Variants in NALF1 observed in about 807,000 individuals in gnomAD.
NALF1 encodes the protein family with sequence similarity 155 member A.
Under a neutral mutation model 48.4 loss-of-function variants are expected in NALF1, and 3 were observed. The observed-to-expected ratio is 0.06, with a 90% CI of 0.03 to 0.16. NALF1 has a LOEUF of 0.16. NALF1 is among the 10% of genes least tolerant of loss of function. The pLI is 1.00. For synonymous variants in NALF1, 262 were observed against 245.7 expected (o/e 1.07, Z -0.62); for missense variants, 526 against 571.5 (o/e 0.92, Z 0.81).
chr13:107,453,979 G>C (rs1432126853), intron 1 of NALF1, among the ~76,000 whole-genome samples: 6 of 152,132 alleles, frequency 3.9e-5, no homozygotes, highest in African/African-American at 1.2e-4. Flanking sequence ...CTATAGCATA[G>C]CAAGAGTCAC....
intron 1 of NALF1, among the ~76,000 whole-genome samples, chr13:107,413,001 A>G (rs1884018809): frequency 6.6e-6 from 1 of 152,188 alleles, no homozygotes; most frequent in Non-Finnish European, 1.5e-5. Context: ...ATTAAGGATG[A>G]TCTATGAAAA....
intron 1 of NALF1, among the ~76,000 whole-genome samples, chr13:107,627,693 A>T (rs1879715711): frequency 6.6e-6 from 1 of 152,094 alleles, no homozygotes; most frequent in Non-Finnish European, 1.5e-5. Flanking sequence ...ATGGAGAGAG[A>T]ACTGCAGTGG....
chr13:107,433,437 A>G (rs1231949054), intron 1 of NALF1, among the ~76,000 whole-genome samples: 1 of 152,142 alleles, frequency 6.6e-6, no homozygotes, highest in Non-Finnish European at 1.5e-5. Flanking sequence ...TATCAAATTA[A>G]TCTAGAGTTA....
intron 1 of NALF1, among the ~76,000 whole-genome samples, chr13:107,732,997 A>T (rs536146145): frequency 6.6e-6 from 1 of 152,176 alleles, no homozygotes; most frequent in Non-Finnish European, 1.5e-5. Context: ...GTGGGTAAAC[A>T]TATTGTGCTA....
chr13:107,736,142 G>C (rs1344455493), intron 1 of NALF1, among the ~76,000 whole-genome samples: 1 of 151,516 alleles, frequency 6.6e-6, no homozygotes, highest in African/African-American at 2.4e-5. Context: ...TATTTTCAAG[G>C]CTTCTCTGAC....
chr13:107,637,668 G>A (rs1368535666), intron 1 of NALF1, among the ~76,000 whole-genome samples: 1 of 152,112 alleles, frequency 6.6e-6, no homozygotes, highest in Non-Finnish European at 1.5e-5. Flanking sequence ...CCCTCTTTCT[G>A]CAGATCATTT....
intron 1 of NALF1, among the ~76,000 whole-genome samples, chr13:107,359,873 C>A (rs184788323): frequency 1.4e-3 from 214 of 152,196 alleles, no homozygotes; most frequent in South Asian, 1.9e-3. Context: ...TTCATTTGCA[C>A]CTTAATGAAT....
At chr13:107,802,704 T>C (rs2138598370) in intron 1 of NALF1, among the ~76,000 whole-genome samples, 1 of 152,186 alleles carries the variant, frequency 6.6e-6, no homozygotes, top group Admixed American at 6.5e-5. Context: ...GCATGATGCT[T>C]AGTAGAGAGT....
intron 1 of NALF1, among the ~76,000 whole-genome samples, chr13:107,403,766 G>A (rs9555358): frequency 0.58 from 88,088 of 151,168 alleles, 25,969 homozygotes; most frequent in African/African-American, 0.66. Flanking sequence ...TATGAATGAA[G>A]TTACACACCA....
intron 1 of NALF1, among the ~76,000 whole-genome samples, chr13:107,632,060 T>C (rs1879850190): frequency 6.6e-6 from 1 of 152,194 alleles, no homozygotes; most frequent in Admixed American, 6.5e-5. Context: ...ATTATACCTA[T>C]TGTATTATCA....
intron 1 of NALF1, among the ~76,000 whole-genome samples, chr13:107,270,534 G>C (rs58440563): frequency 6.6e-6 from 1 of 151,852 alleles, no homozygotes; most frequent in East Asian, 1.9e-4. Context: ...TTTCAGTATA[G>C]AAATTCATAT....
chr13:107,433,732 T>C (rs1201927292), intron 1 of NALF1, among the ~76,000 whole-genome samples: 1 of 152,182 alleles, frequency 6.6e-6, no homozygotes, highest in East Asian at 1.9e-4. Flanking sequence ...TCACAGATTA[T>C]ATACTATCAG....
At chr13:107,597,997 C>T (rs1878804673) in intron 1 of NALF1, among the ~76,000 whole-genome samples, 1 of 152,114 alleles carries the variant, frequency 6.6e-6, no homozygotes, top group African/African-American at 2.4e-5. Flanking sequence ...GTTACAGTGA[C>T]AATTACAAGA....
At chr13:107,319,788 A>G (rs1348077462) in intron 1 of NALF1, among the ~76,000 whole-genome samples, 1 of 152,060 alleles carries the variant, frequency 6.6e-6, no homozygotes, top group African/African-American at 2.4e-5. Context: ...CTGCCTGTAC[A>G]TTTAGCCACT....
At chr13:107,848,200 C>A (rs1207551591) in intron 1 of NALF1, among the ~76,000 whole-genome samples, 1 of 152,122 alleles carries the variant, frequency 6.6e-6, no homozygotes, top group Admixed American at 6.5e-5. Flanking sequence ...TAACTGTTCC[C>A]AAAATATTTC....
At chr13:107,473,011 C>T (rs779999408) in intron 1 of NALF1, among the ~76,000 whole-genome samples, 2 of 152,190 alleles carry the variant, frequency 1.3e-5, no homozygotes, top group Non-Finnish European at 2.9e-5. Flanking sequence ...GCACTGCTCA[C>T]TTTCCCACTT....
Position 107,170,538 on chromosome 13 carries a change from C to T in NALF1, c.1336G>A (p.Gly446Ser). ...AQNTAGLSFG[G>S]INTLEENSTN... ...GAGTTTTCTTCCAGCGTGTTGATGCCTCCAAAGCTCAGTCCGGCTGTGTTC... is the reference window on the plus strand; with the variant it reads ...GAGTTTTCTTCCAGCGTGTTGATGCTTCCAAAGCTCAGTCCGGCTGTGTTC... Residue 446 changes from glycine to serine, a missense_variant, in exon 3 of 3, where the codon GGC becomes AGC. Physicochemically the swap from Gly to Ser is moderately conservative, Grantham distance 56. Transcript: ENST00000375915. 1.2e-6 allele frequency: 2 copies of T among 1,612,088 alleles called. No individual in the cohort carries two copies. Among genetic ancestry groups the T allele is most frequent in the South Asian group, 1.1e-5 (1 of 91,076 alleles).
At position 107,865,102 on chromosome 13, in the gene NALF1, A is replaced by G. The variant is rs573156991; in HGVS notation, c.915+580T>C. Among the ~76,000 whole-genome samples, 11 of 152,336 alleles carry G rather than the reference A, an allele frequency of 7.2e-5. No individual in the cohort carries two copies. In the East Asian group the frequency reaches 1.9e-3, roughly 27 times the overall value. On this transcript the variant is annotated intron_variant, in intron 1 of 2. Coordinates refer to ENST00000375915, the MANE Select transcript of NALF1 (RefSeq NM_001080396.3). ...CCAAGAGGAAACAGAAAACTTAAAA[A>G]AAGTAAATATCCTCAGGTAGGCCCC...
intron 2 of NALF1, among the ~76,000 whole-genome samples, chr13:107,192,148 A>C (rs1212860593): frequency 6.6e-6 from 1 of 152,200 alleles, no homozygotes; most frequent in Non-Finnish European, 1.5e-5. Context: ...GTTTAAACAC[A>C]AATATTTAAA....
Sources: allele counts gnomAD v4.1 joint callset (sites outside exome capture counted in the v4.1 genomes callset), GRCh38; gene constraint gnomAD v4.1.1; transcripts MANE v1.5; gene names NCBI Gene and HGNC (gene_info 2026-07-23, HGNC 2026-07-21).